The following CAMKMT variants were observed in gnomAD, a reference collection of about 807,000 sequenced individuals.
CAMKMT encodes calmodulin-lysine N-methyltransferase.
CAMKMT carries 53 observed loss-of-function variants against 48.0 expected under a neutral mutation model. That is an observed-to-expected ratio of 1.10 (90% CI 0.89 to 1.39). CAMKMT has a LOEUF of 1.39. Ranked by LOEUF, CAMKMT falls within the 40% of genes most tolerant of loss-of-function variation. The pLI is 0.00. For missense variants in CAMKMT, 428 were observed against 402.7 expected (o/e 1.06, Z -0.54); for synonymous variants, 165 against 152.3 (o/e 1.08, Z -0.61).
rs192317856 is a variant in CAMKMT at position 44,539,166 on chromosome 2, A to G, written c.376+148861A>G. On this transcript the variant is annotated intron_variant, in intron 3 of 10. Coordinates refer to ENST00000378494, the MANE Select transcript of CAMKMT (RefSeq NM_024766.5). ...TGAAAATACAAAAACTTAGCCTGGC[A>G]TGGTGGCGGATGCCTGTAATCCCAG... Among the ~76,000 whole-genome samples the G allele has an allele frequency of 1.5e-3, 220 of 151,360 alleles. 1 individual carries two copies. Among genetic ancestry groups the G allele is most frequent in the African/African-American group, 5.1e-3 (211 of 41,256 alleles).
chr2:44,624,076 A>C (rs1305372514), intron 3 of CAMKMT, among the ~76,000 whole-genome samples: 1 of 152,174 alleles, frequency 6.6e-6, no homozygotes, highest in Non-Finnish European at 1.5e-5. Context: ...AAAAATTGGC[A>C]AGTGGGACCT....
At chr2:44,476,239 A>G (rs1001860945) in intron 3 of CAMKMT, among the ~76,000 whole-genome samples, 1 of 152,166 alleles carries the variant, frequency 6.6e-6, no homozygotes, top group African/African-American at 2.4e-5. Flanking sequence ...AAATGAAGAC[A>G]CTACTAAAGT....
In CAMKMT at chr2:44,390,316, C is replaced by T. The variant is rs775085020; in HGVS notation, c.376+11C>T. On this transcript the variant is annotated intron_variant, in intron 3 of 10. Transcript: ENST00000378494. ...ATACAGGAAATGTTTGTAAGTTATA[C>T]ATTCACTCTATAGAAATATATTTAG... 6.4e-7 allele frequency: 1 copy of T among 1,554,494 alleles called. No homozygotes were observed. Among genetic ancestry groups the T allele is most frequent in the Admixed American group, 1.8e-5 (1 of 55,800 alleles).
At chr2:44,639,909 T>C (rs985150069) in intron 3 of CAMKMT, among the ~76,000 whole-genome samples, 13 of 152,206 alleles carry the variant, frequency 8.5e-5, no homozygotes, top group African/African-American at 3.1e-4. Flanking sequence ...TTTTGGATTG[T>C]CAGAACAGCT....
At chr2:44,517,528 C>T (rs1052549470) in intron 3 of CAMKMT, among the ~76,000 whole-genome samples, 3 of 152,180 alleles carry the variant, frequency 2.0e-5, no homozygotes, top group African/African-American at 4.8e-5. Context: ...ATACCTCTGT[C>T]ACTATCTCAA....
chr2:44,760,158 A>G (rs1003539626), intron 9 of CAMKMT, among the ~76,000 whole-genome samples: 12 of 152,182 alleles, frequency 7.9e-5, no homozygotes, highest in African/African-American at 2.7e-4. Flanking sequence ...GGTGGGTGCC[A>G]GGAAAGAGGT....
intron 3 of CAMKMT, among the ~76,000 whole-genome samples, chr2:44,587,102 T>C (rs1037957067): frequency 2.0e-5 from 3 of 152,226 alleles, no homozygotes; most frequent in Non-Finnish European, 4.4e-5. Context: ...ATTCAGGATT[T>C]TTTTTGCCCA....
At chr2:44,501,782 G>A (rs7563449) in intron 3 of CAMKMT, among the ~76,000 whole-genome samples, 2,625 of 152,232 alleles carry the variant, frequency 0.017, 83 homozygotes, top group African/African-American at 0.06. Context: ...GGAGGCTGAG[G>A]CAGGAGTTTC....
Position 44,759,239 on chromosome 2 carries a change from T to G in CAMKMT, c.762+5121T>G, listed in dbSNP as rs184477708. ...CCTGGACTCAGGTGATCCTCCTGCC[T>G]CAGCCTCTCAAATAGCTAGGACTAC... is the stretch of plus-strand genomic sequence containing the variant. On this transcript the variant is annotated intron_variant, in intron 9 of 10. Transcript: ENST00000378494. 7.4e-3 allele frequency among the ~76,000 whole-genome samples: 1,133 copies of G among 152,286 alleles called. 58 individuals are homozygous for G. Among genetic ancestry groups the G allele is most frequent in the Admixed American group, 0.069 (1,052 of 15,308 alleles).
intron 3 of CAMKMT, among the ~76,000 whole-genome samples, chr2:44,603,589 C>T (rs775631087): frequency 1.3e-5 from 2 of 152,188 alleles, no homozygotes; most frequent in African/African-American, 4.8e-5. Context: ...CTGCTTACTT[C>T]ACTAGAGTTT....
At chr2:44,584,427 C>T (rs1347984432) in intron 3 of CAMKMT, among the ~76,000 whole-genome samples, 1 of 152,054 alleles carries the variant, frequency 6.6e-6, no homozygotes, top group South Asian at 2.1e-4. Context: ...ATTTTTATCC[C>T]CAAATGAGCT....
At chr2:44,585,318 A>G (rs985269793) in intron 3 of CAMKMT, among the ~76,000 whole-genome samples, 4 of 152,324 alleles carry the variant, frequency 2.6e-5, no homozygotes, top group African/African-American at 9.6e-5. Context: ...AGAGATTGAC[A>G]GTTTATACAT....
rs1679801520 is a variant in CAMKMT, at chr2:44,743,735, A to G, written c.698+39A>G. The stretch of plus-strand genomic sequence containing the variant: ...AATCACAAAACTCCTGTTAGAAAAA[A>G]ATAGCTTTGCTGGAGTAATTGGGCT... On this transcript the variant is annotated intron_variant, in intron 8 of 10. Coordinates refer to ENST00000378494, the MANE Select transcript of CAMKMT (RefSeq NM_024766.5). The G allele has an allele frequency of 1.9e-6, 3 of 1,541,420 alleles. No individual in the cohort carries two copies. In the East Asian group the frequency reaches 6.8e-5, roughly 35 times the overall value.
chr2:44,683,822 C>CAAAAA lies in CAMKMT; in HGVS notation c.377-20444_377-20440dup, dbSNP rs10644183. Among the ~76,000 whole-genome samples, 57 of 70,826 alleles carry CAAAAA rather than the reference C, an allele frequency of 8.0e-4. 1 individual carries two copies. Among genetic ancestry groups the CAAAAA allele is most frequent in the Non-Finnish European group, 8.4e-4 (33 of 39,484 alleles). The allele number at this position is 70,826 out of a possible 152,430, so 46.5% of individuals were successfully genotyped here. A position where few individuals can be genotyped will look rare whatever the true frequency, so the allele number is the denominator to read the frequency against. ...TGGGCGACAGAGCGAGACTCTGTCTCAAAAAAAAAAAAAAAAAAAAAGAAA... is the reference window on the plus strand; with the variant it reads ...TGGGCGACAGAGCGAGACTCTGTCTCAAAAAAAAAAAAAAAAAAAAAAAAAAGAAA... On this transcript the variant is annotated intron_variant, in intron 3 of 10. Coordinates refer to ENST00000378494, the MANE Select transcript of CAMKMT (RefSeq NM_024766.5).
At chr2:44,718,021 A>C (rs1678263304) in intron 7 of CAMKMT, among the ~76,000 whole-genome samples, 1 of 152,160 alleles carries the variant, frequency 6.6e-6, no homozygotes, top group Non-Finnish European at 1.5e-5. Flanking sequence ...TTGAGGGCCC[A>C]CTTAGGAAGA....
intron 3 of CAMKMT, among the ~76,000 whole-genome samples, chr2:44,424,259 C>G (rs1381764406): frequency 6.6e-6 from 1 of 151,936 alleles, no homozygotes; most frequent in East Asian, 1.9e-4. Flanking sequence ...GACAAAACCT[C>G]TTGGACACCG....
intron 7 of CAMKMT, among the ~76,000 whole-genome samples, chr2:44,719,310 A>G (rs1033912519): frequency 1.3e-5 from 2 of 152,050 alleles, no homozygotes; most frequent in African/African-American, 4.8e-5. Flanking sequence ...GAATAGTACC[A>G]CAGTTGAACA....
chr2:44,732,516 T>C (rs984221736), intron 7 of CAMKMT, among the ~76,000 whole-genome samples: 6 of 152,206 alleles, frequency 3.9e-5, no homozygotes, highest in Admixed American at 3.3e-4. Context: ...GTAAAACTTA[T>C]ATAGGTAAGG....
At chr2:44,589,201 C>T (rs1278161959) in intron 3 of CAMKMT, among the ~76,000 whole-genome samples, 169 of 37,356 alleles carry the variant, frequency 4.5e-3, no homozygotes, top group South Asian at 6.2e-3. Flanking sequence ...TGCCCGGCCG[C>T]CCCTACTGGG....
Sources: allele counts gnomAD v4.1 joint callset (sites outside exome capture counted in the v4.1 genomes callset), GRCh38; gene constraint gnomAD v4.1.1; transcripts MANE v1.5; gene names NCBI Gene and HGNC (gene_info 2026-07-23, HGNC 2026-07-21).